XDH: variants seen among roughly 807,000 people sequenced by gnomAD.
The protein encoded by XDH is xanthine dehydrogenase, also known as xanthine dehydrogenase/oxidase.
A neutral mutation model predicts 156.1 loss-of-function variants in XDH; 138 were observed. The observed-to-expected ratio is 0.88, with a 90% CI of 0.77 to 1.02. The LOEUF (loss-of-function observed/expected upper bound fraction) is 1.02, where lower values mean the gene tolerates loss of function less well. Among genes scored for constraint, XDH ranks in the 50% least tolerant of loss-of-function variants. The pLI is 0.00. For missense variants in XDH, 1,849 were observed against 1,684.9 expected (o/e 1.10, Z -1.71); for synonymous variants, 669 against 625.7 (o/e 1.07, Z -1.03).
chr2:31,407,650 G>A (rs554926424), intron 1 of XDH, among the ~76,000 whole-genome samples: 38 of 152,228 alleles, frequency 2.5e-4, no homozygotes, highest in African/African-American at 8.4e-4. Flanking sequence ...TCAGAAAGCC[G>A]GAAGCCATCT....
intron 1 of XDH, among the ~76,000 whole-genome samples, chr2:31,408,259 T>G (rs571097489): frequency 5.5e-4 from 84 of 152,342 alleles, no homozygotes; most frequent in South Asian, 1.2e-3. Context: ...ACCTGCATTT[T>G]GACTTATCAG....
At chr2:31,371,198 C>A (rs1183851620) in intron 17 of XDH, among the ~76,000 whole-genome samples, 1 of 152,020 alleles carries the variant, frequency 6.6e-6, no homozygotes, top group Non-Finnish European at 1.5e-5. Context: ...CACACTGGCA[C>A]ATGCCCCCAT....
At chr2:31,350,582 GCCTGGAAGGTCTCGATCT>G (rs1685445802) in intron 24 of XDH, among the ~76,000 whole-genome samples, 1 of 151,840 alleles carries the variant, frequency 6.6e-6, no homozygotes. Context: ...CACCATGTTG[GCCTGGAAGGTCTCGATCT>G]CCTGACCTCG....
In XDH at chr2:31,366,023, C is replaced by G. The variant is rs1685906166; in HGVS notation, c.2409G>C (p.Glu803Asp). Residue 803 changes from glutamate to aspartate, a missense_variant, in exon 22 of 36, where the codon GAG (glutamate) becomes GAC (aspartate). Glu to Asp is a conservative substitution (Grantham distance 45, BLOSUM62 2). Coordinates refer to ENST00000379416, the MANE Select transcript of XDH (RefSeq NM_000379.4). ...CCGTGGACACCACAGTGCTCCGGGT[C>G]TCCTTGCCTCCAAAGCCTCCTCCCA... is the stretch of plus-strand genomic sequence containing the variant. ...KRMGGGFGGK[E>D]TRSTVVSTAV... is the part of the protein sequence containing the mutation. The G allele has an allele frequency of 6.2e-7, 1 of 1,614,206 alleles. No homozygotes were observed. The highest frequency in any genetic ancestry group is 1.1e-5 in the South Asian group (1 of 91,078).
At chr2:31,355,305 G>T (rs1685594522) in intron 24 of XDH, among the ~76,000 whole-genome samples, 1 of 152,030 alleles carries the variant, frequency 6.6e-6, no homozygotes. Context: ...GAAAGAAAAT[G>T]ATAAAAGAAG....
rs947137877 is a variant in XDH, at chr2:31,375,311, T to C, written c.1602+69A>G. ...GTCCAGAGGAGAGGAGCAAATTTAC[T>C]ACCCAGACCAACTTCTTATATCCCC... On this transcript the variant is annotated intron_variant, in intron 15 of 35. Transcript: ENST00000379416. 1.1e-5 allele frequency: 17 copies of C among 1,605,178 alleles called. No individual in the cohort carries two copies. The highest frequency in any genetic ancestry group is 1.4e-5 in the Non-Finnish European group (17 of 1,172,528).
chr2:31,351,372 A>G (rs975728303), intron 24 of XDH, among the ~76,000 whole-genome samples: 8 of 152,104 alleles, frequency 5.3e-5, no homozygotes, highest in African/African-American at 1.7e-4. Context: ...TGCTCCTAAT[A>G]TATTTTCTCT....
intron 13 of XDH, among the ~76,000 whole-genome samples, chr2:31,378,111 G>GAAAGAAAGAAAGAAA (rs1686310900): frequency 2.4e-5 from 1 of 41,712 alleles, no homozygotes; most frequent in African/African-American, 1.1e-4. Context: ...AGAAAGAAAG[G>GAAAGAAAGAAAGAAA]AAGGAAGGAA....
At position 31,387,893 on chromosome 2, in the gene XDH, C is replaced by T; in HGVS notation, c.569G>A (p.Ser190Asn). The T allele has an allele frequency of 6.3e-7, 1 of 1,579,624 alleles. No individual in the cohort carries two copies. Among genetic ancestry groups the T allele is most frequent in the Non-Finnish European group, 8.6e-7 (1 of 1,162,848 alleles). Reference protein sequence around the residue: ...CMNQKKDHSVSLSPSLFKPEE... With the variant: ...CMNQKKDHSVNLSPSLFKPEE... ...TGGTTTGAATAAAGATGGCGAGAGG[C>T]TGACCTATGGGGAAAGAGAACAGGT... The change falls in exon 8 of 36, where the codon AGC becomes AAC. Residue 190 changes from serine (S) to asparagine (N), a missense_variant. Physicochemically the swap from Ser to Asn is conservative, Grantham distance 46 (BLOSUM62 1). Coordinates refer to ENST00000379416, the MANE Select transcript of XDH (RefSeq NM_000379.4).
Position 31,338,720 on chromosome 2 carries a change from T to G in XDH, c.3774+769A>C, listed in dbSNP as rs1257256347. Reference sequence around the variant, plus strand: ...TCCAGGCATCTGACCAAGTCTTTTTTTTTTTTTTTTTTTTTTTTTTTGAGA... The same window carrying G: ...TCCAGGCATCTGACCAAGTCTTTTTGTTTTTTTTTTTTTTTTTTTTTGAGA... On this transcript the variant is annotated intron_variant, in intron 34 of 35. Transcript: ENST00000379416. Among the ~76,000 whole-genome samples, 4 of 128,334 alleles carry G rather than the reference T, an allele frequency of 3.1e-5. No individual in the cohort carries two copies. The South Asian group carries it at 1.2e-3, about 38-fold the overall frequency. 84.2% of individuals were successfully genotyped at this position (128,334 alleles called of 152,430 possible). A position where few individuals can be genotyped will look rare whatever the true frequency, so the allele number is the denominator to read the frequency against.
rs201810251 is a variant in XDH at position 31,383,035 on chromosome 2, C to T, written c.1004G>A (p.Arg335His). The T allele has an allele frequency of 1.4e-4, 231 of 1,614,186 alleles. No homozygotes were observed. The highest frequency in any genetic ancestry group is 1.8e-4 in the Non-Finnish European group (213 of 1,180,036). ...EVFRGVLEQLRWFAGKQVKSV... is the reference protein window; with the variant it reads ...EVFRGVLEQLHWFAGKQVKSV... ...CTTGACTTGCTTCCCAGCAAACCAG[C>T]GCAGCTGCTCCAGGACCCCTCTGAA... The change falls in exon 11 of 36, where the codon CGC (arginine) becomes CAC (histidine). Residue 335 changes from arginine (R) to histidine (H), a missense_variant. Physicochemically the swap from Arg to His is conservative, Grantham distance 29 (BLOSUM62 0). Coordinates refer to ENST00000379416, the MANE Select transcript of XDH (RefSeq NM_000379.4).
intron 31 of XDH, among the ~76,000 whole-genome samples, chr2:31,343,563 CAT>C (rs1194394302): frequency 7.0e-6 from 1 of 143,010 alleles, no homozygotes; most frequent in African/African-American, 2.6e-5. Flanking sequence ...TTATATAAGG[CAT>C]ATATATATTC....
chr2:31,376,101 T>C (rs1175247861), intron 14 of XDH, among the ~76,000 whole-genome samples: 4 of 152,122 alleles, frequency 2.6e-5, no homozygotes, highest in African/African-American at 9.7e-5. Context: ...ATAGAAATAG[T>C]AATAGTAGTA....
Position 31,405,908 on chromosome 2 carries a change from C to A in XDH, c.99G>T (p.Lys33Asn), listed in dbSNP as rs1480049774. 1.2e-6 allele frequency: 2 copies of A among 1,614,084 alleles called. No homozygotes were observed. ...ACTCCCACTCCAAAGTCAGGATACA[C>A]TTTCTTCTCAGGTAGGCCAAAAGGG... is the stretch of plus-strand genomic sequence containing the variant. ...ETTLLAYLRR[K>N]LGLSGTKLGC... Residue 33 changes from lysine to asparagine, a missense_variant and splice_region_variant, in exon 2 of 36, where the codon AAG (lysine) becomes AAT (asparagine). Coordinates refer to ENST00000379416, the MANE Select transcript of XDH (RefSeq NM_000379.4).
chr2:31,404,841 G>T lies in XDH; in HGVS notation c.100+1066C>A, dbSNP rs1039520981. Among the ~76,000 whole-genome samples the T allele has an allele frequency of 5.3e-5, 8 of 152,230 alleles. No individual in the cohort carries two copies. In the East Asian group the frequency reaches 1.5e-3, roughly 29 times the overall value. ...GTACACCAAAGCCAACCACTGTACT[G>T]TCTGATAGGAGGGGAGCAAACCAGA... On this transcript the variant is annotated intron_variant, in intron 2 of 35. Transcript: ENST00000379416.
chr2:31,381,592 C>A, intron 12 of XDH, 41 bp downstream of exon 12: 1 of 1,602,724 alleles, frequency 6.2e-7, no homozygotes, highest in Non-Finnish European at 8.5e-7. Context: ...ACTTTTCTCC[C>A]CCAAGTCCTT....
intron 33 of XDH, among the ~76,000 whole-genome samples, chr2:31,340,216 C>T (rs967648840): frequency 6.6e-6 from 1 of 152,198 alleles, no homozygotes; most frequent in African/African-American, 2.4e-5. Context: ...ACTACCATAC[C>T]TCAACGAGCA....
chr2:31,365,561 G>A lies in XDH; in HGVS notation c.2457-17C>T. The A allele has an allele frequency of 2.5e-6, 4 of 1,614,084 alleles. No individual in the cohort carries two copies. Among genetic ancestry groups the A allele is most frequent in the Non-Finnish European group, 3.4e-6 (4 of 1,179,944 alleles). Reference sequence around the variant, plus strand: ...CGGCCGGTCCTGGGGGTTACCGACAGTGTTAGAAGCCTGTGAGCCTTCAAC... The same window carrying A: ...CGGCCGGTCCTGGGGGTTACCGACAATGTTAGAAGCCTGTGAGCCTTCAAC... On this transcript the variant is annotated splice_polypyrimidine_tract_variant and intron_variant, in intron 22 of 35. Transcript: ENST00000379416.
Position 31,346,834 on chromosome 2 carries a change from G to A in XDH, c.3286C>T (p.Gln1096Ter), listed in dbSNP as rs1235306281. Residue 1096 changes from glutamine (Q) to a stop codon, truncating the protein, a stop_gained, in exon 30 of 36, where the codon CAG (glutamine) becomes TAG (stop). Coordinates refer to ENST00000379416, the MANE Select transcript of XDH (RefSeq NM_000379.4). LOFTEE classifies it high-confidence loss of function. ...LNGQAVYAAC[Q>*]TILKRLEPYK... ...GGTTCCAGCCTTTTCAAGATGGTCTGACAAGCCGCCTAAAGTAAACACCCC... is the reference window on the plus strand; with the variant it reads ...GGTTCCAGCCTTTTCAAGATGGTCTAACAAGCCGCCTAAAGTAAACACCCC... The A allele has an allele frequency of 6.2e-7, 1 of 1,613,930 alleles. No individual in the cohort carries two copies. The highest frequency in any genetic ancestry group is 1.3e-5 in the African/African-American group (1 of 74,876).
Sources: gnomAD v4.1 joint callset for allele counts (sites outside exome capture counted in the v4.1 genomes callset) on GRCh38, gnomAD v4.1.1 for gene constraint, MANE v1.5 for transcripts, NCBI Gene and HGNC (gene_info 2026-07-23, HGNC 2026-07-21) for gene names.